NECTIN1: variants seen among roughly 807,000 people sequenced by gnomAD.
NECTIN1 encodes nectin-1.
Under a neutral mutation model 48.0 loss-of-function variants are expected in NECTIN1, and 23 were observed. The observed-to-expected ratio is 0.48, with a 90% CI of 0.34 to 0.68. The LOEUF is 0.68. Among genes scored for constraint, NECTIN1 ranks in the 30% least tolerant of loss-of-function variants. NECTIN1 has a pLI of 0.01. For missense variants in NECTIN1, 591 were observed against 709.9 expected (o/e 0.83, Z 1.90); for synonymous variants, 270 against 288.9 (o/e 0.93, Z 0.66).
chr11:119,662,163 G>A lies in NECTIN1; in HGVS notation c.*2584C>T, dbSNP rs1236736036. On this transcript the variant is annotated 3_prime_UTR_variant, in exon 6 of 6. Transcript: ENST00000264025. The surrounding 1 kb of genome is among the most constrained non-coding windows in gnomAD (Gnocchi z 5.3). Reference sequence around the variant, plus strand: ...TTATTTCATTTCCAGCAAAGCAGAAGCTCAGCTCATGCTGTGGGCATGAAG... The same window carrying A: ...TTATTTCATTTCCAGCAAAGCAGAAACTCAGCTCATGCTGTGGGCATGAAG... The A allele has an allele frequency of 3.0e-6, 3 of 985,358 alleles. No homozygotes were observed. In the African/African-American group the frequency reaches 5.2e-5, roughly 17 times the overall value. The allele number at this position is 985,358 out of a possible 1,614,324, so 61.0% of individuals were successfully genotyped here. A position where few individuals can be genotyped will look rare whatever the true frequency, so the allele number is the denominator to read the frequency against.
chr11:119,700,760 C>A lies in NECTIN1; in HGVS notation c.80-21995G>T, dbSNP rs1327450740. Among the ~76,000 whole-genome samples, 5 of 152,222 alleles carry A rather than the reference C, an allele frequency of 3.3e-5. No individual in the cohort carries two copies. In the South Asian group the frequency reaches 1.0e-3, roughly 31 times the overall value. On this transcript the variant is annotated intron_variant, in intron 1 of 5. Coordinates refer to ENST00000264025, the MANE Select transcript of NECTIN1 (RefSeq NM_002855.5). ...GCGTGGCTCTGTCAAGGGCCTCTTGCGCCTGTTGAGAGGTGCTTCTTAGAG... is the reference window on the plus strand; with the variant it reads ...GCGTGGCTCTGTCAAGGGCCTCTTGAGCCTGTTGAGAGGTGCTTCTTAGAG...
chr11:119,662,477 G>A lies in NECTIN1; in HGVS notation c.*2270C>T. On this transcript the variant is annotated 3_prime_UTR_variant, in exon 6 of 6. Transcript: ENST00000264025. This position sits in a 1 kb window ranked among gnomAD's most constrained non-coding sequence, Gnocchi z 5.3. ...GCTTTGCTTGTGGGGAGGGTGTGGA[G>A]GTGTCTTAAGGGGGAACTCAGTGCT... is the stretch of plus-strand genomic sequence containing the variant. 2.0e-6 allele frequency: 2 copies of A among 985,846 alleles called. No individual in the cohort carries two copies. Among genetic ancestry groups the A allele is most frequent in the South Asian group, 4.7e-5 (1 of 21,290 alleles). The allele number at this position is 985,846 out of a possible 1,614,324, so 61.1% of individuals were successfully genotyped here.
At chr11:119,676,405 A>G (rs1006365322) in intron 4 of NECTIN1, among the ~76,000 whole-genome samples, 10 of 152,204 alleles carry the variant, frequency 6.6e-5, no homozygotes, top group Admixed American at 6.5e-5. Flanking sequence ...TCTGCTCCCC[A>G]GAAAAAGAAG....
At chr11:119,640,261 G>T (rs1864304985) in intron 5 of NECTIN1, 12 of 557,758 alleles carry the variant, frequency 2.2e-5, no homozygotes, top group Non-Finnish European at 3.5e-5. Flanking sequence ...GGGGCATGGA[G>T]GTAGAACAAG....
At chr11:119,695,469 A>C (rs1206075861) in intron 1 of NECTIN1, among the ~76,000 whole-genome samples, 1 of 151,042 alleles carries the variant, frequency 6.6e-6, no homozygotes, top group East Asian at 2.1e-4. Context: ...TGCCATGAAG[A>C]CAGACGTGCT....
chr11:119,665,208 G>A lies in NECTIN1; in HGVS notation c.1093C>T (p.Leu365=). 6.2e-7 allele frequency: 1 copy of A among 1,606,806 alleles called. No individual in the cohort carries two copies. Among genetic ancestry groups the A allele is most frequent in the Non-Finnish European group, 8.5e-7 (1 of 1,179,598 alleles). ...CCGCCGACCACAATCAACACCAGCAGGATGCTCCCCGCCACGCCCCCAATG... is the reference window on the plus strand; with the variant it reads ...CCGCCGACCACAATCAACACCAGCAAGATGCTCCCCGCCACGCCCCCAATG... ...AIIGGVAGSI[L]LVLIVVGGIV... The change falls in exon 6 of 6, where the codon CTG becomes TTG. Residue 365 remains leucine, a synonymous_variant. Transcript: ENST00000264025. The surrounding 1 kb of genome is among the most constrained non-coding windows in gnomAD (Gnocchi z 5.1).
intron 1 of NECTIN1, among the ~76,000 whole-genome samples, chr11:119,707,111 C>T (rs570203738): frequency 1.3e-4 from 20 of 152,252 alleles, no homozygotes; most frequent in Admixed American, 9.8e-4. Flanking sequence ...CAGGGAAAGG[C>T]CGTTTCATCC....
chr11:119,676,022 AT>A lies in NECTIN1; in HGVS notation c.852-713del, dbSNP rs756059496. Among the ~76,000 whole-genome samples the A allele has an allele frequency of 7.7e-3, 1,057 of 137,318 alleles. 6 individuals are homozygous for A. Among genetic ancestry groups the A allele is most frequent in the Non-Finnish European group, 0.013 (807 of 63,852 alleles). The allele number at this position is 137,318 out of a possible 152,430, so 90.1% of individuals were successfully genotyped here. On this transcript the variant is annotated intron_variant, in intron 4 of 5. Transcript: ENST00000264025. Reference sequence around the variant, plus strand: ...ATCCGTCTCAAAGAAAAAAAAAAAAATAATAATACAGATGCCTTGGTTCTAA... The same window carrying A: ...ATCCGTCTCAAAGAAAAAAAAAAAAAAATAATACAGATGCCTTGGTTCTAA...
At chr11:119,638,781 G>A (rs774492669) in exon 7 of NECTIN1, 1 of 1,614,008 alleles carries the variant, frequency 6.2e-7, no homozygotes, top group Non-Finnish European at 8.5e-7. Context: ...GAAGGCTCCG[G>A]CTTCTGGGAG....
intron 1 of NECTIN1, among the ~76,000 whole-genome samples, chr11:119,706,795 G>A (rs1865554261): frequency 6.6e-6 from 1 of 152,158 alleles, no homozygotes; most frequent in African/African-American, 2.4e-5. Flanking sequence ...AGCCTTTTCG[G>A]AGCATTTGTA....
intron 5 of NECTIN1, among the ~76,000 whole-genome samples, chr11:119,644,552 T>G (rs1198606232): frequency 2.0e-5 from 3 of 152,240 alleles, no homozygotes; most frequent in Non-Finnish European, 4.4e-5. Context: ...CACTTCTATG[T>G]GCCAGGCATT....
chr11:119,663,223 C>T lies in NECTIN1; in HGVS notation c.*1524G>A. 8 of 985,470 alleles carry T rather than the reference C, an allele frequency of 8.1e-6. No homozygotes were observed. Among genetic ancestry groups the T allele is most frequent in the Non-Finnish European group, 9.6e-6 (8 of 829,942 alleles). The allele number at this position is 985,470 out of a possible 1,614,324, so 61.0% of individuals were successfully genotyped here. A position where few individuals can be genotyped will look rare whatever the true frequency, so the allele number is the denominator to read the frequency against. The stretch of plus-strand genomic sequence containing the variant: ...CCTGCCTCTCCATCCCAGGGTCCTT[C>T]CCATGGGCATGCCTGTCTAGAGTGC... On this transcript the variant is annotated 3_prime_UTR_variant, in exon 6 of 6. Coordinates refer to ENST00000264025, the MANE Select transcript of NECTIN1 (RefSeq NM_002855.5).
At chr11:119,693,715 C>T (rs1474689999) in intron 1 of NECTIN1, among the ~76,000 whole-genome samples, 3 of 152,334 alleles carry the variant, frequency 2.0e-5, no homozygotes, top group Admixed American at 6.5e-5. Flanking sequence ...TCCAACACAC[C>T]TCTAATGTTG....
Position 119,670,061 on chromosome 11 carries a change from C to T in NECTIN1, c.1004-4764G>A, listed in dbSNP as rs564310140. On this transcript the variant is annotated intron_variant, in intron 5 of 5. Transcript: ENST00000264025. ...GCAACCTCCGCCTCCCGGGTTCAAGCGATTCTCCTGCCTCAGCCTCTTGAG... is the reference window on the plus strand; with the variant it reads ...GCAACCTCCGCCTCCCGGGTTCAAGTGATTCTCCTGCCTCAGCCTCTTGAG... 4.0e-4 allele frequency among the ~76,000 whole-genome samples: 60 copies of T among 151,632 alleles called. No homozygotes were observed. The South Asian group carries it at 0.012, about 30-fold the overall frequency.
chr11:119,684,419 G>C lies in NECTIN1; in HGVS notation c.80-5654C>G, dbSNP rs1205738222. Among the ~76,000 whole-genome samples, 2 of 152,258 alleles carry C rather than the reference G, an allele frequency of 1.3e-5. No individual in the cohort carries two copies. Among genetic ancestry groups the C allele is most frequent in the East Asian group, 3.8e-4 (2 of 5,202 alleles). On this transcript the variant is annotated intron_variant, in intron 1 of 5. Transcript: ENST00000264025. The surrounding 1 kb of genome is among the most constrained non-coding windows in gnomAD (Gnocchi z 5.2). ...TGTGTGCACGTGTGTGTCTGAGGTG[G>C]GTGCTGGGCTCCGCCATAAGGGCCT... is the stretch of plus-strand genomic sequence containing the variant.
At chr11:119,726,621 G>A (rs576164713) in intron 1 of NECTIN1, among the ~76,000 whole-genome samples, 3 of 152,282 alleles carry the variant, frequency 2.0e-5, no homozygotes, top group Non-Finnish European at 4.4e-5. Context: ...AGCACAGCAG[G>A]CCTCTAGCCC....
chr11:119,640,099 A>C, intron 5 of NECTIN1: 1 of 1,392,140 alleles, frequency 7.2e-7, no homozygotes, highest in East Asian at 2.5e-5. Context: ...TCAGACCCTG[A>C]GGCAGTACTC....
intron 1 of NECTIN1, among the ~76,000 whole-genome samples, chr11:119,723,807 A>T (rs1207376706): frequency 6.6e-6 from 1 of 152,178 alleles, no homozygotes; most frequent in Non-Finnish European, 1.5e-5. Flanking sequence ...TCCCTCTGCA[A>T]GGTGATCCGT....
At chr11:119,639,786 G>A (rs1036929293) in intron 6 of NECTIN1, 3 of 1,592,976 alleles carry the variant, frequency 1.9e-6, no homozygotes, top group Admixed American at 3.4e-5. Context: ...ACAAGTTTAG[G>A]TGCTTTAAGT....
Sources: allele counts gnomAD v4.1 joint callset (sites outside exome capture counted in the v4.1 genomes callset), GRCh38; gene constraint gnomAD v4.1.1; non-coding constraint Gnocchi (gnomAD v3.1); transcripts MANE v1.5; gene names NCBI Gene and HGNC (gene_info 2026-07-23, HGNC 2026-07-21).